The following FRMD4A variants were observed in gnomAD, a reference collection of about 807,000 sequenced individuals.
The protein encoded by FRMD4A is FERM domain containing 4A, also known as FERM domain-containing protein 4A.
In FRMD4A, 29 loss-of-function variants were observed where a neutral mutation model predicts 129.1. The ratio of observed to expected loss-of-function variants is 0.22; its 90% CI spans 0.17 to 0.31. FRMD4A has a LOEUF of 0.31. Among genes scored for constraint, FRMD4A ranks in the 10% least tolerant of loss-of-function variants. The pLI is 1.00. For synonymous variants in FRMD4A, 634 were observed against 571.6 expected (o/e 1.11, Z -1.56); for missense variants, 1,272 against 1,375.8 (o/e 0.92, Z 1.19).
At chr10:14,092,259 C>T (rs1233958476) in intron 2 of FRMD4A, among the ~76,000 whole-genome samples, 1 of 152,226 alleles carries the variant, frequency 6.6e-6, no homozygotes, top group Non-Finnish European at 1.5e-5. Flanking sequence ...ATACTCAGCA[C>T]TCGGGTTCTA....
At chr10:13,888,482 G>A (rs189787060) in intron 2 of FRMD4A, among the ~76,000 whole-genome samples, 3 of 152,240 alleles carry the variant, frequency 2.0e-5, no homozygotes, top group Admixed American at 2.0e-4. Flanking sequence ...AGTGTCCTGG[G>A]GAGGTCATGA....
intron 2 of FRMD4A, among the ~76,000 whole-genome samples, chr10:14,143,109 A>G (rs1395381909): frequency 6.6e-6 from 1 of 152,230 alleles, no homozygotes; most frequent in Non-Finnish European, 1.5e-5. Flanking sequence ...AGAGAATTAT[A>G]TGATTCAGCA....
intron 2 of FRMD4A, among the ~76,000 whole-genome samples, chr10:14,164,254 T>G (rs1020331619): frequency 1.3e-5 from 2 of 152,184 alleles, no homozygotes; most frequent in African/African-American, 4.8e-5. Context: ...ACAAAAGCCT[T>G]CACTGTTGAG....
In FRMD4A at chr10:13,656,672, C is replaced by T. The variant is rs531733605; in HGVS notation, c.2917G>A (p.Val973Ile). 166 of 1,525,358 alleles carry T rather than the reference C, an allele frequency of 1.1e-4. 3 individuals carry two copies. In the South Asian group the frequency reaches 1.9e-3, roughly 18 times the overall value. 94.5% of individuals were successfully genotyped at this position (1,525,358 alleles called of 1,614,324 possible). A position where few individuals can be genotyped will look rare whatever the true frequency, so the allele number is the denominator to read the frequency against. Reference protein sequence around the residue: ...SQSTFVAHSRVTRMPQMCKAT... With the variant: ...SQSTFVAHSRITRMPQMCKAT... Reference sequence around the variant, plus strand: ...TTGCACATCTGGGGCATCCTGGTGACCCTGCTGTGCGCCACGAAGGTGCTC... The same window carrying T: ...TTGCACATCTGGGGCATCCTGGTGATCCTGCTGTGCGCCACGAAGGTGCTC... Residue 973 changes from valine to isoleucine, a missense_variant, in exon 22 of 25, where the codon GTC becomes ATC. Physicochemically the swap from Val to Ile is conservative, Grantham distance 29. Coordinates refer to ENST00000357447, the MANE Select transcript of FRMD4A (RefSeq NM_018027.5).
chr10:14,296,402 A>C (rs1218467), intron 2 of FRMD4A, among the ~76,000 whole-genome samples: 34,992 of 151,996 alleles, frequency 0.23, 4,820 homozygotes, highest in Middle Eastern at 0.32. Context: ...TCCTGAGAAC[A>C]GCCCTCCTGC....
At chr10:13,891,530 C>T in intron 2 of FRMD4A, 1 of 863,738 alleles carries the variant, frequency 1.2e-6, no homozygotes, top group Non-Finnish European at 1.4e-6. Context: ...AGCGGCGCGT[C>T]CCTTTTCCCC....
At chr10:13,819,281 T>C (rs925849286) in intron 3 of FRMD4A, among the ~76,000 whole-genome samples, 1 of 152,246 alleles carries the variant, frequency 6.6e-6, no homozygotes, top group African/African-American at 2.4e-5. Flanking sequence ...TATCCATTTC[T>C]GTTCAATCTA....
At chr10:13,921,137 G>T (rs950914670) in intron 2 of FRMD4A, among the ~76,000 whole-genome samples, 8 of 152,194 alleles carry the variant, frequency 5.3e-5, no homozygotes, top group African/African-American at 1.7e-4. Context: ...CTTGCAGACG[G>T]CTGCCTTCTG....
intron 2 of FRMD4A, among the ~76,000 whole-genome samples, chr10:14,189,094 T>G (rs191758270): frequency 2.0e-5 from 3 of 152,210 alleles, no homozygotes; most frequent in Admixed American, 6.5e-5. Flanking sequence ...GCTGTGTATT[T>G]CCACCTCTGT....
At chr10:14,064,336 C>T (rs1164089342) in intron 2 of FRMD4A, among the ~76,000 whole-genome samples, 1 of 152,192 alleles carries the variant, frequency 6.6e-6, no homozygotes, top group Non-Finnish European at 1.5e-5. Context: ...AATTACATGT[C>T]GTTAAGGCCA....
rs111955811 is a variant in FRMD4A at position 13,921,795 on chromosome 10, C to T, written c.46-62883G>A. The stretch of plus-strand genomic sequence containing the variant: ...AAACCCAGACAGTGTGGTTCCAGTG[C>T]TCTTACATTATTTTACATTGTTTCT... On this transcript the variant is annotated intron_variant, in intron 2 of 24. Coordinates refer to ENST00000357447, the MANE Select transcript of FRMD4A (RefSeq NM_018027.5). Among the ~76,000 whole-genome samples, 453 of 152,244 alleles carry T rather than the reference C, an allele frequency of 3.0e-3. 4 individuals are homozygous for T. Among genetic ancestry groups the T allele is most frequent in the African/African-American group, 0.01 (429 of 41,552 alleles).
intron 3 of FRMD4A, among the ~76,000 whole-genome samples, chr10:13,825,190 C>T (rs924470731): frequency 3.3e-5 from 5 of 152,144 alleles, no homozygotes; most frequent in Non-Finnish European, 7.3e-5. Context: ...TAACAGATGC[C>T]AGCATCACTA....
intron 2 of FRMD4A, among the ~76,000 whole-genome samples, chr10:14,175,382 T>C (rs1403824783): frequency 6.6e-6 from 1 of 152,144 alleles, no homozygotes; most frequent in Non-Finnish European, 1.5e-5. Flanking sequence ...CCCCTGCCTC[T>C]TCCTTCATTG....
At chr10:13,696,552 T>C (rs1402777816) in intron 14 of FRMD4A, among the ~76,000 whole-genome samples, 2 of 152,222 alleles carry the variant, frequency 1.3e-5, no homozygotes, top group African/African-American at 4.8e-5. Context: ...GAGAACAGCC[T>C]GGCTAACATG....
chr10:14,196,026 G>C (rs1842462073), intron 2 of FRMD4A, among the ~76,000 whole-genome samples: 1 of 152,188 alleles, frequency 6.6e-6, no homozygotes, highest in South Asian at 2.1e-4. Context: ...ATGAACAAAG[G>C]CTTTTCCAGA....
rs541360128 is a variant in FRMD4A at position 13,669,057 on chromosome 10, G to GAT, written c.1374+1348_1374+1349insAT. 3.9e-4 allele frequency among the ~76,000 whole-genome samples: 38 copies of GAT among 97,462 alleles called. 1 individual carries two copies. The highest frequency in any genetic ancestry group is 4.6e-4 in the Non-Finnish European group (23 of 50,254). 63.9% of individuals were successfully genotyped at this position (97,462 alleles called of 152,430 possible). A position where few individuals can be genotyped will look rare whatever the true frequency, so the allele number is the denominator to read the frequency against. ...CCAGGAACTGCCTAACTGAGCTTTAGTTTTTTTTTTTTTTTTTTTTTTTTT... is the reference window on the plus strand; with the variant it reads ...CCAGGAACTGCCTAACTGAGCTTTAGATTTTTTTTTTTTTTTTTTTTTTTTTT... On this transcript the variant is annotated intron_variant, in intron 17 of 24. Transcript: ENST00000357447.
intron 2 of FRMD4A, among the ~76,000 whole-genome samples, chr10:14,258,218 G>A (rs1844681866): frequency 6.6e-6 from 1 of 150,484 alleles, no homozygotes; most frequent in Admixed American, 6.6e-5. Context: ...AAAAAGAAGA[G>A]TATTATATTA....
chr10:14,329,941 A>C (rs866717843), intron 2 of FRMD4A, 117 bp downstream of exon 2: 15 of 937,864 alleles, frequency 1.6e-5, no homozygotes, highest in Middle Eastern at 2.3e-4. Flanking sequence ...AGCCTGCGGG[A>C]TAAAGCGGAG....
rs376827083 is a variant in FRMD4A, at chr10:13,976,212, A to G, written c.46-117300T>C. Among the ~76,000 whole-genome samples the G allele has an allele frequency of 5.9e-5, 9 of 152,238 alleles. No homozygotes were observed. The South Asian group carries it at 8.3e-4, about 14-fold the overall frequency. On this transcript the variant is annotated intron_variant, in intron 2 of 24. Transcript: ENST00000357447. ...AGTTGCTGAGTGTTTGTCTATTGTA[A>G]GTCCTGGGGAAACATCCCAAGGAGA... is the stretch of plus-strand genomic sequence containing the variant.
Sources: allele counts gnomAD v4.1 joint callset (sites outside exome capture counted in the v4.1 genomes callset), GRCh38; gene constraint gnomAD v4.1.1; transcripts MANE v1.5; gene names NCBI Gene and HGNC (gene_info 2026-07-23, HGNC 2026-07-21).